The following DNAH11 variants were observed in gnomAD, a reference collection of about 807,000 sequenced individuals.
The protein encoded by DNAH11 is dynein axonemal heavy chain 11.
DNAH11 carries 442 observed loss-of-function variants against 526.0 expected under a neutral mutation model. The observed-to-expected ratio is 0.84, with a 90% confidence interval of 0.78 to 0.91. The LOEUF is 0.91. Among genes scored for constraint, DNAH11 ranks in the 40% least tolerant of loss-of-function variants. DNAH11 has a pLI of 0.00. For missense variants in DNAH11, 6,989 were observed against 5,448.7 expected (o/e 1.28, Z -8.90); for synonymous variants, 2,461 against 1,935.9 (o/e 1.27, Z -7.12).
intron 34 of DNAH11, among the ~76,000 whole-genome samples, chr7:21,690,523 G>T (rs145395312): frequency 6.6e-6 from 1 of 151,982 alleles, no homozygotes; most frequent in Non-Finnish European, 1.5e-5. Flanking sequence ...GGATACTAAG[G>T]CTATGCTAAA....
In DNAH11 at chr7:21,900,888, A is replaced by ACAAGCAAAAAT. The variant is rs1209173906; in HGVS notation, c.13304-118_13304-108dup. 11 of 1,467,304 alleles carry ACAAGCAAAAAT rather than the reference A, an allele frequency of 7.5e-6. No individual in the cohort carries two copies. In the East Asian group the frequency reaches 2.1e-4, roughly 28 times the overall value. The allele number at this position is 1,467,304 out of a possible 1,614,324, so 90.9% of individuals were successfully genotyped here. ...GGCCAGCTCAGTAAAAATACCACTG[A>ACAAGCAAAAAT]CAAGCAAAAATATGACAAAACCAGA... On this transcript the variant is annotated intron_variant, in intron 81 of 81. Coordinates refer to ENST00000409508, the MANE Select transcript of DNAH11 (RefSeq NM_001277115.2).
chr7:21,611,992 A>C (rs1056058809), intron 20 of DNAH11, among the ~76,000 whole-genome samples: 1 of 152,196 alleles, frequency 6.6e-6, no homozygotes. Flanking sequence ...CTCTGGTGAA[A>C]TCATCAAGGG....
At chr7:21,731,146 A>G (rs1053089284) in intron 45 of DNAH11, among the ~76,000 whole-genome samples, 1 of 151,548 alleles carries the variant, frequency 6.6e-6, no homozygotes, top group African/African-American at 2.4e-5. Context: ...CTGTCTCCGA[A>G]AAAAAAAAAC....
At position 21,543,137 on chromosome 7, in the gene DNAH11, G is replaced by A. The variant is rs1782648698; in HGVS notation, c.-109G>A. The A allele has an allele frequency of 2.1e-6, 3 of 1,433,104 alleles. No homozygotes were observed. The highest frequency in any genetic ancestry group is 1.4e-5 in the African/African-American group (1 of 69,194). 88.8% of individuals were successfully genotyped at this position (1,433,104 alleles called of 1,614,324 possible). A position where few individuals can be genotyped will look rare whatever the true frequency, so the allele number is the denominator to read the frequency against. On this transcript the variant is annotated 5_prime_UTR_variant, in exon 1 of 82. Coordinates refer to ENST00000409508, the MANE Select transcript of DNAH11 (RefSeq NM_001277115.2). ...GGAGACTAGGGTCTGCGCTCGCGGC[G>A]ACCGCGGAGGAGGGTGGGCGCCTGC...
At chr7:21,877,498 A>C (rs534616305) in intron 74 of DNAH11, among the ~76,000 whole-genome samples, 3 of 152,352 alleles carry the variant, frequency 2.0e-5, no homozygotes, top group Middle Eastern at 3.4e-3. Context: ...AGCATTCCAG[A>C]ATATTTATGT....
chr7:21,785,624 AT>A (rs1788138152), intron 58 of DNAH11, among the ~76,000 whole-genome samples: 3 of 152,224 alleles, frequency 2.0e-5, no homozygotes, highest in African/African-American at 4.8e-5. Context: ...GTTTCTCTAA[AT>A]TTGCAAATTT....
At chr7:21,692,922 A>T (rs1248970334) in intron 35 of DNAH11, among the ~76,000 whole-genome samples, 1 of 152,182 alleles carries the variant, frequency 6.6e-6, no homozygotes, top group Admixed American at 6.5e-5. Flanking sequence ...ATGATGGCTA[A>T]TGATGTTGAG....
intron 26 of DNAH11, among the ~76,000 whole-genome samples, chr7:21,637,360 G>A (rs6970367): frequency 2.0e-5 from 3 of 151,818 alleles, no homozygotes; most frequent in African/African-American, 4.8e-5. Flanking sequence ...GAAAAATTCT[G>A]TGTGGGCCTA....
chr7:21,625,175 T>C (rs1171197844), intron 25 of DNAH11, among the ~76,000 whole-genome samples: 1 of 152,044 alleles, frequency 6.6e-6, no homozygotes, highest in African/African-American at 2.4e-5. Context: ...AGGCCTTTCT[T>C]TTGAGGGGAA....
intron 61 of DNAH11, 133 bp from the exon 62 acceptor site, chr7:21,801,004 A>G: frequency 4.5e-6 from 4 of 896,818 alleles, no homozygotes; most frequent in Admixed American, 2.7e-5. Flanking sequence ...TAAAATACGT[A>G]TGGTAAAGGG....
intron 76 of DNAH11, among the ~76,000 whole-genome samples, chr7:21,891,395 G>A (rs1784321685): frequency 6.6e-6 from 1 of 152,150 alleles, no homozygotes; most frequent in East Asian, 1.9e-4. Context: ...CGGTGCAAGA[G>A]ACTGGGAGAA....
At chr7:21,786,261 A>G (rs185936118) in intron 58 of DNAH11, among the ~76,000 whole-genome samples, 2 of 151,972 alleles carry the variant, frequency 1.3e-5, no homozygotes, top group Admixed American at 6.6e-5. Flanking sequence ...AATCTATTAC[A>G]TAGTGGGATA....
At position 21,784,460 on chromosome 7, in the gene DNAH11, C is replaced by T; in HGVS notation, c.9517C>T (p.Gln3173Ter). ...CATTCAGACTGAAGTGTTCCAGAAA[C>T]AGAGAGAATGTGAAGCTGACTTACT... ...TAIQTEVFQK[Q>*]RECEADLLKA... The change falls in exon 58 of 82, where the codon CAG (glutamine) becomes TAG (stop). Residue 3173 changes from glutamine to a stop codon, truncating the protein, a stop_gained. Transcript: ENST00000409508. LOFTEE classifies it high-confidence loss of function. 1 of 1,613,434 alleles carries T rather than the reference C, an allele frequency of 6.2e-7. No individual in the cohort carries two copies. Among genetic ancestry groups the T allele is most frequent in the Non-Finnish European group, 8.5e-7 (1 of 1,179,660 alleles).
At chr7:21,867,827 T>G in intron 71 of DNAH11, 32 bp from the exon 72 acceptor site, 2 of 1,493,768 alleles carry the variant, frequency 1.3e-6, no homozygotes, top group South Asian at 1.2e-5. Flanking sequence ...TCAAAACCAC[T>G]GATCATGTTT....
chr7:21,804,071 TGTA>T (rs1309228071), intron 62 of DNAH11, among the ~76,000 whole-genome samples: 3 of 144,010 alleles, frequency 2.1e-5, no homozygotes, highest in African/African-American at 5.1e-5. Context: ...CCTCATTTCT[TGTA>T]GTAGTTTTTT....
rs1786933975 is a variant in DNAH11, at chr7:21,637,702, G to A, written c.4817G>A (p.Arg1606Lys). 6.5e-7 allele frequency: 1 copy of A among 1,537,644 alleles called. No individual in the cohort carries two copies. The highest frequency in any genetic ancestry group is 1.4e-5 in the African/African-American group (1 of 72,510). The change falls in exon 27 of 82, where the codon AGG becomes AAG. Residue 1606 changes from arginine (R) to lysine (K), a missense_variant and splice_region_variant. Coordinates refer to ENST00000409508, the MANE Select transcript of DNAH11 (RefSeq NM_001277115.2). ...GAAAAACTTAAAGATTTACAGTCCA[G>A]GTAAGAATAAAGCTATATAAGATAA... is the stretch of plus-strand genomic sequence containing the variant. Reference protein sequence around the residue: ...LYEKLKDLQSRLSLCEKALAE... With the variant: ...LYEKLKDLQSKLSLCEKALAE...
At chr7:21,847,865 T>G (rs57499734) in intron 66 of DNAH11, among the ~76,000 whole-genome samples, 14,326 of 152,104 alleles carry the variant, frequency 0.094, 1,935 homozygotes, top group African/African-American at 0.29. Context: ...GCATACACAT[T>G]AAAGATTATT....
intron 53 of DNAH11, 43 bp downstream of exon 53, chr7:21,749,844 C>T (rs772940120): frequency 1.7e-5 from 27 of 1,609,246 alleles, no homozygotes; most frequent in Non-Finnish European, 2.2e-5. Context: ...TCCCCAATGA[C>T]AAATTATCTG....
intron 68 of DNAH11, among the ~76,000 whole-genome samples, chr7:21,855,495 A>G (rs1032826848): frequency 2.0e-5 from 3 of 152,252 alleles, no homozygotes; most frequent in African/African-American, 4.8e-5. Flanking sequence ...ACTTTGGCTC[A>G]TTCTTTATCC....
Sources: allele counts gnomAD v4.1 joint callset (sites outside exome capture counted in the v4.1 genomes callset), GRCh38; gene constraint gnomAD v4.1.1; transcripts MANE v1.5; gene names NCBI Gene and HGNC (gene_info 2026-07-23, HGNC 2026-07-21).